The following TMEM45A variants were observed in gnomAD, a reference collection of about 807,000 sequenced individuals.
TMEM45A encodes DNA polymerase-transactivated protein 4.
Under a neutral mutation model 32.0 loss-of-function variants are expected in TMEM45A, and 25 were observed. The ratio of observed to expected loss-of-function variants is 0.78; its 90% CI spans 0.57 to 1.09. The LOEUF (loss-of-function observed/expected upper bound fraction) is 1.09. Ranked by LOEUF, TMEM45A falls within the 50% of genes least tolerant of loss-of-function variation. TMEM45A has a pLI of 0.00. For missense variants in TMEM45A, 302 were observed against 325.0 expected (o/e 0.93, Z 0.54); for synonymous variants, 122 against 114.8 (o/e 1.06, Z -0.40).
chr3:100,558,361 T>C (rs777701370), intron 3 of TMEM45A, 44 bp from the exon 4 acceptor site: 3 of 1,607,376 alleles, frequency 1.9e-6, no homozygotes, highest in Non-Finnish European at 2.6e-6. Context: ...CAGTGGGTGG[T>C]CCTTGGTTCC....
At chr3:100,492,951 A>T (rs1188727437) in intron 1 of TMEM45A, 23 bp downstream of exon 1, 1 of 152,028 alleles carries the variant, frequency 6.6e-6, no homozygotes, top group Admixed American at 6.5e-5. Flanking sequence ...TACGTGCTGG[A>T]TATCATATTT....
At chr3:100,515,919 T>C (rs1261125632) in intron 1 of TMEM45A, among the ~76,000 whole-genome samples, 2 of 152,180 alleles carry the variant, frequency 1.3e-5, no homozygotes, top group Non-Finnish European at 2.9e-5. Flanking sequence ...AGTTCTAGTG[T>C]TTGATAGCAC....
chr3:100,501,361 A>T (rs1181088254), intron 1 of TMEM45A, among the ~76,000 whole-genome samples: 1 of 152,142 alleles, frequency 6.6e-6, no homozygotes, highest in Non-Finnish European at 1.5e-5. Context: ...AGGCCAAGGC[A>T]TCTGTGAAAA....
At chr3:100,543,811 A>G (rs1197389076) in intron 1 of TMEM45A, among the ~76,000 whole-genome samples, 1 of 152,128 alleles carries the variant, frequency 6.6e-6, no homozygotes, top group Non-Finnish European at 1.5e-5. Context: ...TTATGGTACC[A>G]TTGTGGGAGA....
chr3:100,519,550 T>C (rs1051110979), intron 1 of TMEM45A: 1 of 1,550,876 alleles, frequency 6.4e-7, no homozygotes, highest in African/African-American at 1.4e-5. Flanking sequence ...GTGCCTGATC[T>C]ACTGAGACCA....
intron 1 of TMEM45A, among the ~76,000 whole-genome samples, chr3:100,504,152 C>T (rs540051587): frequency 5.5e-4 from 83 of 152,088 alleles, no homozygotes; most frequent in African/African-American, 1.7e-3. Flanking sequence ...TGTCCAGCAC[C>T]CTTTCCCTGA....
At chr3:100,509,247 C>T (rs1291737345) in intron 1 of TMEM45A, among the ~76,000 whole-genome samples, 1 of 152,144 alleles carries the variant, frequency 6.6e-6, no homozygotes, top group Non-Finnish European at 1.5e-5. Flanking sequence ...TATCTCACCC[C>T]AGTTGGAATG....
At chr3:100,546,741 A>G (rs1191182346) in intron 1 of TMEM45A, among the ~76,000 whole-genome samples, 1 of 152,100 alleles carries the variant, frequency 6.6e-6, no homozygotes, top group Non-Finnish European at 1.5e-5. Context: ...CTTTTTCCCT[A>G]TGTTATTTAA....
Position 100,556,985 on chromosome 3 carries a change from G to C in TMEM45A, c.403+13G>C, listed in dbSNP as rs1706235444. 1 of 1,612,986 alleles carries C rather than the reference G, an allele frequency of 6.2e-7. No homozygotes were observed. The highest frequency in any genetic ancestry group is 2.2e-5 in the East Asian group (1 of 44,868). On this transcript the variant is annotated intron_variant, in intron 3 of 5. Transcript: ENST00000323523. Reference sequence around the variant, plus strand: ...TTATTTGTGGAGGGTAAGTGTTAGTGAGTATTTTCATGTACCTTTCTCTAT... The same window carrying C: ...TTATTTGTGGAGGGTAAGTGTTAGTCAGTATTTTCATGTACCTTTCTCTAT...
intron 1 of TMEM45A, among the ~76,000 whole-genome samples, chr3:100,548,121 G>A (rs1302736498): frequency 6.6e-6 from 1 of 152,202 alleles, no homozygotes; most frequent in South Asian, 2.1e-4. Context: ...GCACTCTAGA[G>A]TGGTTATTTT....
At chr3:100,569,037 G>T in intron 5 of TMEM45A, 70 bp downstream of exon 5, 2 of 1,481,746 alleles carry the variant, frequency 1.3e-6, no homozygotes, top group South Asian at 1.3e-5. Flanking sequence ...CAGTGGTATT[G>T]AATTTAAAAT....
chr3:100,537,435 A>G (rs1705761448), intron 1 of TMEM45A, among the ~76,000 whole-genome samples: 1 of 152,150 alleles, frequency 6.6e-6, no homozygotes, highest in South Asian at 2.1e-4. Flanking sequence ...GCCTCCATTG[A>G]TTGCCCTTGT....
In TMEM45A at chr3:100,566,461, C is replaced by T. The variant is rs1320926670; in HGVS notation, c.589-2361C>T. Among the ~76,000 whole-genome samples, 4 of 152,246 alleles carry T rather than the reference C, an allele frequency of 2.6e-5. No individual in the cohort carries two copies. The East Asian group carries it at 7.7e-4, about 29-fold the overall frequency. ...AAACCAAGATAATATCATGGATACT[C>T]CTACAAATGTCTACCATTTATTGGC... On this transcript the variant is annotated intron_variant, in intron 4 of 5. Coordinates refer to ENST00000323523, the MANE Select transcript of TMEM45A (RefSeq NM_018004.3).
At chr3:100,524,217 T>C (rs1424839286) in intron 1 of TMEM45A, among the ~76,000 whole-genome samples, 1 of 152,222 alleles carries the variant, frequency 6.6e-6, no homozygotes, top group Non-Finnish European at 1.5e-5. Context: ...TTCTCTATCC[T>C]GCTTCTTTCA....
At chr3:100,521,858 G>A (rs886650043) in intron 1 of TMEM45A, among the ~76,000 whole-genome samples, 21 of 152,218 alleles carry the variant, frequency 1.4e-4, no homozygotes, top group African/African-American at 4.8e-4. Context: ...CACTTTCCAT[G>A]ACTGTGAAGT....
intron 1 of TMEM45A, among the ~76,000 whole-genome samples, chr3:100,518,770 G>C (rs1705354406): frequency 6.6e-6 from 1 of 152,212 alleles, no homozygotes; most frequent in Non-Finnish European, 1.5e-5. Context: ...ATAAGCATGA[G>C]ATGGTCGGCT....
At chr3:100,546,152 G>A (rs1189293304) in intron 1 of TMEM45A, among the ~76,000 whole-genome samples, 1 of 152,330 alleles carries the variant, frequency 6.6e-6, no homozygotes. Context: ...AAAAGGGAAA[G>A]ACATGTATTC....
rs1291603150 is a variant in TMEM45A at position 100,555,229 on chromosome 3, T to G, written c.18T>G (p.Gly6=). 6.2e-7 allele frequency: 1 copy of G among 1,604,394 alleles called. No homozygotes were observed. The highest frequency in any genetic ancestry group is 8.5e-7 in the Non-Finnish European group (1 of 1,175,246). MGNFR[G]HALPGTFFFI... is the part of the protein sequence containing the mutation. ...TGTAGATCATGGGGAATTTCAGAGG[T>G]CATGCCCTCCCTGGAACCTTCTTTT... is the stretch of plus-strand genomic sequence containing the variant. Residue 6 remains glycine (G), a synonymous_variant, in exon 2 of 6, where the codon GGT becomes GGG. Coordinates refer to ENST00000323523, the MANE Select transcript of TMEM45A (RefSeq NM_018004.3).
chr3:100,500,901 C>T (rs950338166), intron 1 of TMEM45A, among the ~76,000 whole-genome samples: 12 of 152,210 alleles, frequency 7.9e-5, no homozygotes, highest in East Asian at 3.8e-4. Flanking sequence ...TAAAAACATA[C>T]ACAATATTTT....
Sources: gnomAD v4.1 joint callset for allele counts (sites outside exome capture counted in the v4.1 genomes callset) on GRCh38, gnomAD v4.1.1 for gene constraint, MANE v1.5 for transcripts, NCBI Gene and HGNC (gene_info 2026-07-23, HGNC 2026-07-21) for gene names.